The following REPS2 variants were observed in gnomAD, a reference collection of about 807,000 sequenced individuals.
REPS2 encodes RALBP1 associated Eps domain containing 2.
Under a neutral mutation model 53.6 loss-of-function variants are expected in REPS2, and 23 were observed. The observed-to-expected ratio is 0.43, with a 90% confidence interval of 0.31 to 0.61. The LOEUF is 0.61. REPS2 is among the 20% of genes least tolerant of loss of function. The pLI, the probability that REPS2 is intolerant of heterozygous loss-of-function variation, is 0.11. For synonymous variants in REPS2, 238 were observed against 218.6 expected (o/e 1.09, Z -0.78); for missense variants, 446 against 534.9 (o/e 0.83, Z 1.64).
chrX:17,155,394 C>T (rs2063605742), downstream of REPS2, among the ~76,000 whole-genome samples: 1 of 111,453 alleles, frequency 9.0e-6, no homozygotes, highest in African/African-American at 3.3e-5. Context: ...CTAATTAACT[C>T]TCAAAGGCCC....
chrX:17,069,037 A>G (rs756715612), intron 10 of REPS2, among the ~76,000 whole-genome samples: 86 of 111,656 alleles, frequency 7.7e-4, no homozygotes, highest in Admixed American at 1.4e-3. Flanking sequence ...GGGAATATCT[A>G]GAAGTGTGGG....
At chrX:17,130,166 G>C (rs2063272730) in intron 14 of REPS2, among the ~76,000 whole-genome samples, 1 of 111,763 alleles carries the variant, frequency 8.9e-6, no homozygotes, top group South Asian at 3.8e-4. Context: ...ATAGAGCTTG[G>C]AGTATGCGTC....
At chrX:17,078,819 C>T (rs2062415611) in intron 13 of REPS2, among the ~76,000 whole-genome samples, 1 of 112,016 alleles carries the variant, frequency 8.9e-6, no homozygotes, top group Non-Finnish European at 1.9e-5. Flanking sequence ...GTGGAAGAGA[C>T]AAAACTGGGT....
chrX:17,127,663 C>T (rs1292744886), intron 14 of REPS2, among the ~76,000 whole-genome samples: 1 of 111,428 alleles, frequency 9.0e-6, no homozygotes, highest in Non-Finnish European at 1.9e-5. Context: ...CATTTTTCTC[C>T]TGACTCCTCA....
At chrX:17,058,463 A>G (rs1370275618) in intron 8 of REPS2, among the ~76,000 whole-genome samples, 1 of 109,990 alleles carries the variant, frequency 9.1e-6, no homozygotes, top group Non-Finnish European at 1.9e-5. Flanking sequence ...AAAAAAAAAA[A>G]AAAAAAAAGT....
intron 3 of REPS2, among the ~76,000 whole-genome samples, chrX:17,023,545 T>A (rs1295332753): frequency 1.2e-5 from 1 of 80,997 alleles, no homozygotes; most frequent in Non-Finnish European, 2.6e-5. Context: ...GTAGATGAGG[T>A]GTTGCTACAG....
Position 16,972,823 on chromosome X carries a change from C to T in REPS2, c.273+25689C>T, listed in dbSNP as rs183358145. Among the ~76,000 whole-genome samples, 740 of 111,344 alleles carry T rather than the reference C, an allele frequency of 6.6e-3. 4 individuals are homozygous for T. The highest frequency in any genetic ancestry group is 9.9e-3 in the Non-Finnish European group (523 of 52,991). On this transcript the variant is annotated intron_variant, in intron 1 of 17. Transcript: ENST00000357277. The stretch of plus-strand genomic sequence containing the variant: ...GAAAAGTTACAAAAATAGTAGCATT[C>T]CTTTATATTCCTCACCCTGCTCCCT...
intron 1 of REPS2, among the ~76,000 whole-genome samples, chrX:16,968,643 G>A (rs1324408653): frequency 1.1e-5 from 1 of 94,153 alleles, no homozygotes; most frequent in Non-Finnish European, 2.2e-5. Context: ...GGCCGGGCGG[G>A]GGGCTGACCC....
At chrX:17,010,728 A>C (rs1399756898) in intron 2 of REPS2, among the ~76,000 whole-genome samples, 1 of 111,309 alleles carries the variant, frequency 9.0e-6, no homozygotes, top group Non-Finnish European at 1.9e-5. Context: ...AGGGTGTCTT[A>C]ATCATCTGCC....
chrX:17,135,713 T>C, intron 16 of REPS2: 2 of 234,472 alleles, frequency 8.5e-6, no homozygotes. Context: ...GGCCCAAATT[T>C]TCCTGGCAAG....
intron 1 of REPS2, among the ~76,000 whole-genome samples, chrX:16,969,632 A>G (rs1412466780): frequency 1.8e-5 from 2 of 111,203 alleles, no homozygotes; most frequent in Non-Finnish European, 3.8e-5. Context: ...AGGCTGAGGC[A>G]GGAGAATCAG....
chrX:16,978,370 G>A (rs1196247957), intron 1 of REPS2, among the ~76,000 whole-genome samples: 1 of 112,249 alleles, frequency 8.9e-6, no homozygotes, highest in African/African-American at 3.2e-5. Context: ...CTCAATAAAA[G>A]TAAGCTAATA....
At chrX:17,056,929 G>A (rs2062080020) in intron 8 of REPS2, among the ~76,000 whole-genome samples, 1 of 112,002 alleles carries the variant, frequency 8.9e-6, no homozygotes, top group South Asian at 3.7e-4. Context: ...GTCATGGTGA[G>A]TATAACATAT....
chrX:17,134,464 G>A (rs903192603), intron 15 of REPS2, among the ~76,000 whole-genome samples: 3 of 111,538 alleles, frequency 2.7e-5, no homozygotes, highest in African/African-American at 9.8e-5. Context: ...GGGCTCAGGA[G>A]CACAGGTGAG....
intron 1 of REPS2, among the ~76,000 whole-genome samples, chrX:16,976,184 G>A (rs191044733): frequency 2.7e-5 from 3 of 111,758 alleles, no homozygotes; most frequent in African/African-American, 9.8e-5. Flanking sequence ...TTTGCTCCCA[G>A]ATCAGAACTA....
chrX:17,102,611 A>G (rs776941524), intron 13 of REPS2, among the ~76,000 whole-genome samples: 2 of 112,401 alleles, frequency 1.8e-5, no homozygotes, highest in African/African-American at 3.2e-5. Context: ...AGATAGGCCA[A>G]CATGATTGTA....
chrX:17,140,082 C>T (rs1255756343), intron 17 of REPS2, among the ~76,000 whole-genome samples: 3 of 111,282 alleles, frequency 2.7e-5, no homozygotes, highest in Non-Finnish European at 5.7e-5. Flanking sequence ...CCAATTACTG[C>T]CTCATTTCTT....
intron 17 of REPS2, among the ~76,000 whole-genome samples, chrX:17,141,586 A>G (rs2063447831): frequency 8.9e-6 from 1 of 112,021 alleles, no homozygotes; most frequent in Non-Finnish European, 1.9e-5. Flanking sequence ...GTTTCTGAGA[A>G]ACTGCTAGAT....
the REPS2 span, among the ~76,000 whole-genome samples, chrX:17,171,951 G>C: frequency 1.2e-4 from 13 of 111,675 alleles, no homozygotes; most frequent in Non-Finnish European, 1.9e-4. Context: ...AATGATGGTG[G>C]TAACGCTAAC....
Sources: allele counts gnomAD v4.1 joint callset (sites outside exome capture counted in the v4.1 genomes callset), GRCh38; gene constraint gnomAD v4.1.1; transcripts MANE v1.5; gene names NCBI Gene and HGNC (gene_info 2026-07-23, HGNC 2026-07-21).